Variants in SLC14A2 observed in about 807,000 individuals in gnomAD.
SLC14A2 encodes the protein solute carrier family 14 member 2.
Under a neutral mutation model 104.6 loss-of-function variants are expected in SLC14A2, and 91 were observed. The observed-to-expected ratio is 0.87, with a 90% CI of 0.73 to 1.04. The LOEUF is 1.04. Among genes scored for constraint, SLC14A2 ranks in the 50% least tolerant of loss-of-function variants. SLC14A2 has a pLI of 0.00. For synonymous variants in SLC14A2, 476 were observed against 466.4 expected (o/e 1.02, Z -0.27); for missense variants, 1,189 against 1,156.0 (o/e 1.03, Z -0.41).
chr18:45,517,168 A>T (rs1259265609), intron 2 of SLC14A2, among the ~76,000 whole-genome samples: 1 of 152,208 alleles, frequency 6.6e-6, no homozygotes, highest in Non-Finnish European at 1.5e-5. Context: ...TGTGGGCTTC[A>T]TGATGAAGAC....
At chr18:45,379,162 C>G (rs1167630859) in intron 1 of SLC14A2, among the ~76,000 whole-genome samples, 1 of 152,180 alleles carries the variant, frequency 6.6e-6, no homozygotes, top group East Asian at 1.9e-4. Context: ...ATCCATCTGG[C>G]ACACTATCTG....
chr18:45,440,315 G>A (rs1568204904), intron 1 of SLC14A2: 1 of 151,822 alleles, frequency 6.6e-6, no homozygotes, highest in Non-Finnish European at 1.5e-5. Context: ...CCATGTGGCT[G>A]TCCTCTAACA....
Position 45,666,226 on chromosome 18 carries a change from ACTGAGTGTC to A in SLC14A2, c.1557+12_1557+20del. The A allele has an allele frequency of 1.3e-6, 2 of 1,594,808 alleles. No homozygotes were observed. The highest frequency in any genetic ancestry group is 8.6e-7 in the Non-Finnish European group (1 of 1,162,360). ...GCCCACAGTCGAGCTGCTTGTGAGT[ACTGAGTGTC>A]CTGAATCAGGGACAGCGCCCTACAG... is the stretch of plus-strand genomic sequence containing the variant. On this transcript the variant is annotated splice_region_variant and intron_variant, in intron 12 of 19. Transcript: ENST00000255226.
intron 1 of SLC14A2, among the ~76,000 whole-genome samples, chr18:45,315,118 G>A (rs1568147991): frequency 6.6e-6 from 1 of 152,086 alleles, no homozygotes; most frequent in Non-Finnish European, 1.5e-5. Context: ...AAGAAGAACT[G>A]TATCTCACTG....
intron 1 of SLC14A2, among the ~76,000 whole-genome samples, chr18:45,292,935 A>AAGAATTTTC (rs151246786): frequency 0.049 from 7,496 of 152,182 alleles, 238 homozygotes; most frequent in Middle Eastern, 0.12. Flanking sequence ...TGTGATGTGC[A>AAGAATTTTC]AGTTCAAAAC....
chr18:45,468,072 T>C (rs2087176650), intron 1 of SLC14A2, among the ~76,000 whole-genome samples: 1 of 152,104 alleles, frequency 6.6e-6, no homozygotes, highest in Non-Finnish European at 1.5e-5. Context: ...TCAAGAACCT[T>C]GGTCAGGAGT....
chr18:45,551,919 C>A (rs1053631339), intron 2 of SLC14A2, among the ~76,000 whole-genome samples: 1 of 152,134 alleles, frequency 6.6e-6, no homozygotes, highest in South Asian at 2.1e-4. Flanking sequence ...GCTGATATTG[C>A]CATAAGTACT....
At chr18:45,469,235 A>AATTATTTAGGATTATTATTTAGGATT (rs1233452532) in intron 1 of SLC14A2, among the ~76,000 whole-genome samples, 2 of 152,160 alleles carry the variant, frequency 1.3e-5, no homozygotes, top group East Asian at 3.8e-4. Context: ...AATAATGGAC[A>AATTATTTAGGATTATTATTTAGGATT]ATTATTTAGG....
At chr18:45,315,843 T>G (rs2085124146) in intron 1 of SLC14A2, among the ~76,000 whole-genome samples, 1 of 152,156 alleles carries the variant, frequency 6.6e-6, no homozygotes, top group Non-Finnish European at 1.5e-5. Flanking sequence ...GGAGAAGAGG[T>G]TGGCGTGGAA....
chr18:45,187,905 A>G, the SLC14A2 span, among the ~76,000 whole-genome samples: 1 of 152,324 alleles, frequency 6.6e-6, no homozygotes, highest in East Asian at 1.9e-4. Context: ...TTACAAATTC[A>G]GAAAAGTTTC....
intron 1 of SLC14A2, among the ~76,000 whole-genome samples, chr18:45,474,766 C>G (rs2087325154): frequency 6.6e-6 from 1 of 152,116 alleles, no homozygotes; most frequent in African/African-American, 2.4e-5. Context: ...ATTCTTCTCT[C>G]TTTTCTTCTT....
At chr18:45,589,037 G>GA (rs1428659079) in intron 2 of SLC14A2, among the ~76,000 whole-genome samples, 2 of 151,938 alleles carry the variant, frequency 1.3e-5, no homozygotes, top group African/African-American at 4.8e-5. Context: ...GAAAAAATGT[G>GA]AAAAAACTCA....
rs9944580 is a variant in SLC14A2, at chr18:45,631,484, G to C, written c.522-866G>C. Among the ~76,000 whole-genome samples, 534 of 152,346 alleles carry C rather than the reference G, an allele frequency of 3.5e-3. 2 individuals carry two copies. Among genetic ancestry groups the C allele is most frequent in the African/African-American group, 0.012 (513 of 41,580 alleles). On this transcript the variant is annotated intron_variant, in intron 4 of 19. Coordinates refer to ENST00000255226, the MANE Select transcript of SLC14A2 (RefSeq NM_007163.4). ...CTTCTCCTCTGAAAAAGAAGGAGTG[G>C]CTAGACTCATGCTTGGATACTACCA...
In SLC14A2 at chr18:45,625,797, ATCTGCC is replaced by A; in HGVS notation, c.269_274del (p.Cys90_Leu91del). The A allele has an allele frequency of 6.5e-7, 1 of 1,545,042 alleles. No homozygotes were observed. Among genetic ancestry groups the A allele is most frequent in the Non-Finnish European group, 8.7e-7 (1 of 1,151,942 alleles). ...TCGGGACTCAGCAGGCCAAAGGTGC[ATCTGCC>A]TCTCCAAAGCAGTGGGCTACCTCAC... On this transcript the variant is annotated inframe_deletion, in exon 3 of 20. Transcript: ENST00000255226.
At chr18:45,660,713 G>A (rs2045923562) in intron 10 of SLC14A2, among the ~76,000 whole-genome samples, 1 of 152,166 alleles carries the variant, frequency 6.6e-6, no homozygotes, top group South Asian at 2.1e-4. Context: ...CAGTGTTACT[G>A]TTTTCTTTTC....
At chr18:45,373,774 G>T (rs964332750) in intron 1 of SLC14A2, among the ~76,000 whole-genome samples, 1 of 152,200 alleles carries the variant, frequency 6.6e-6, no homozygotes, top group Non-Finnish European at 1.5e-5. Flanking sequence ...TACCAGCTCA[G>T]CACAGGGCAA....
intron 2 of SLC14A2, among the ~76,000 whole-genome samples, chr18:45,543,105 C>T (rs1290707564): frequency 2.6e-5 from 4 of 151,784 alleles, no homozygotes; most frequent in Admixed American, 1.3e-4. Flanking sequence ...CACACCACCA[C>T]GCCCGGCTAG....
intron 1 of SLC14A2, chr18:45,424,149 G>C (rs933226808): frequency 2.0e-5 from 3 of 152,310 alleles, no homozygotes; most frequent in African/African-American, 7.2e-5. Context: ...CTGGGAAGAT[G>C]GGATTTCCTG....
chr18:45,628,451 A>G (rs564001299), intron 4 of SLC14A2, among the ~76,000 whole-genome samples: 45 of 152,058 alleles, frequency 3.0e-4, no homozygotes, highest in African/African-American at 1.0e-3. Context: ...TCAAAAAAAA[A>G]AAAAAAAAGA....
Sources: gnomAD v4.1 joint callset for allele counts (sites outside exome capture counted in the v4.1 genomes callset) on GRCh38, gnomAD v4.1.1 for gene constraint, MANE v1.5 for transcripts, NCBI Gene and HGNC (gene_info 2026-07-23, HGNC 2026-07-21) for gene names.